Variants in RIC1 observed in about 807,000 individuals in gnomAD.
The protein encoded by RIC1 is guanine nucleotide exchange factor subunit RIC1.
In RIC1, 88 loss-of-function variants were observed where a neutral mutation model predicts 169.0. The ratio of observed to expected loss-of-function variants is 0.52; its 90% CI spans 0.44 to 0.62. The LOEUF is 0.62. Ranked by LOEUF, RIC1 falls within the 20% of genes least tolerant of loss-of-function variation. RIC1 has a pLI of 0.00. For missense variants in RIC1, 1,877 were observed against 1,725.5 expected, an observed-to-expected ratio of 1.09 and a Z score of -1.56; for synonymous variants, 790 against 601.5, an observed-to-expected ratio of 1.31 and a Z score of -4.59.
At chr9:5,752,329 C>CAT (rs983966089) in intron 12 of RIC1, among the ~76,000 whole-genome samples, 2 of 151,942 alleles carry the variant, frequency 1.3e-5, no homozygotes, top group African/African-American at 4.8e-5. Flanking sequence ...CTTTCATGTA[C>CAT]ATATATATAT....
chr9:5,646,832 AT>A (rs889812319), intron 1 of RIC1, among the ~76,000 whole-genome samples: 10 of 150,680 alleles, frequency 6.6e-5, no homozygotes, highest in South Asian at 2.1e-4. Context: ...TGTCTTACCT[AT>A]TTTTTTTTGT....
chr9:5,665,490 G>A (rs1286885159), intron 2 of RIC1, among the ~76,000 whole-genome samples: 1 of 152,156 alleles, frequency 6.6e-6, no homozygotes, highest in Non-Finnish European at 1.5e-5. Flanking sequence ...CTGGAGAGGT[G>A]TTGTGGTCAT....
At chr9:5,701,346 C>G (rs1343720476) in intron 3 of RIC1, among the ~76,000 whole-genome samples, 1 of 152,134 alleles carries the variant, frequency 6.6e-6, no homozygotes, top group African/African-American at 2.4e-5. Context: ...TGAGGTGGCT[C>G]ACGCCTGCAA....
intron 2 of RIC1, among the ~76,000 whole-genome samples, chr9:5,670,529 C>T (rs556113270): frequency 2.6e-5 from 4 of 152,272 alleles, no homozygotes; most frequent in African/African-American, 9.6e-5. Context: ...TTGTATATTA[C>T]TGTGCAGTAG....
rs376867395 is a variant in RIC1 at position 5,763,117 on chromosome 9, G to C, written c.2113-23G>C. On this transcript the variant is annotated intron_variant, in intron 18 of 25. Coordinates refer to ENST00000414202, the MANE Select transcript of RIC1 (RefSeq NM_020829.4). The surrounding 1 kb of genome is among the most constrained non-coding windows in gnomAD (Gnocchi z 5.2). The stretch of plus-strand genomic sequence containing the variant: ...TGCAGATTTAATAGGAAAACAACTT[G>C]ATTCTTGTCTCTCCTTCTCCAGCTG... 149 of 1,603,982 alleles carry C rather than the reference G, an allele frequency of 9.3e-5. No individual in the cohort carries two copies. The highest frequency in any genetic ancestry group is 1.1e-4 in the Non-Finnish European group (127 of 1,173,704).
intron 3 of RIC1, among the ~76,000 whole-genome samples, chr9:5,693,469 T>C (rs180729225): frequency 6.6e-6 from 1 of 152,304 alleles, no homozygotes; most frequent in Admixed American, 6.5e-5. Context: ...AGTGACTCTG[T>C]ACCTCAAAGA....
intron 3 of RIC1, among the ~76,000 whole-genome samples, chr9:5,709,593 C>T (rs1164288470): frequency 6.6e-6 from 1 of 152,136 alleles, no homozygotes; most frequent in Non-Finnish European, 1.5e-5. Flanking sequence ...TGCTCTATTC[C>T]TATTCTCCTG....
At chr9:5,664,573 C>G (rs1819640954) in intron 2 of RIC1, among the ~76,000 whole-genome samples, 1 of 152,142 alleles carries the variant, frequency 6.6e-6, no homozygotes, top group African/African-American at 2.4e-5. Flanking sequence ...CTTGCAGAAT[C>G]TGATGATTAT....
intron 2 of RIC1, among the ~76,000 whole-genome samples, chr9:5,663,424 T>A (rs1293780518): frequency 6.6e-6 from 1 of 152,182 alleles, no homozygotes; most frequent in Non-Finnish European, 1.5e-5. Context: ...GTCAATGGTG[T>A]GTTAAGTCTG....
chr9:5,730,217 A>G (rs1824279309), intron 6 of RIC1, among the ~76,000 whole-genome samples: 1 of 152,192 alleles, frequency 6.6e-6, no homozygotes, highest in Non-Finnish European at 1.5e-5. Flanking sequence ...CAGTAGGACT[A>G]GATTATTAGG....
chr9:5,753,928 T>G (rs1207166749), intron 14 of RIC1, among the ~76,000 whole-genome samples: 2 of 152,180 alleles, frequency 1.3e-5, no homozygotes, highest in African/African-American at 4.8e-5. Context: ...ACATTCCAGC[T>G]TGAGTTTATC....
intron 1 of RIC1, among the ~76,000 whole-genome samples, chr9:5,643,518 T>G (rs1404450484): frequency 6.6e-6 from 1 of 152,044 alleles, no homozygotes; most frequent in Non-Finnish European, 1.5e-5. Flanking sequence ...AAAAAAAAAG[T>G]TATGAAAAAT....
intron 1 of RIC1, among the ~76,000 whole-genome samples, chr9:5,655,034 C>T (rs1428630598): frequency 6.6e-6 from 1 of 152,058 alleles, no homozygotes; most frequent in Non-Finnish European, 1.5e-5. Flanking sequence ...TGAGTAAAGA[C>T]AGTTTTATTT....
At position 5,745,943 on chromosome 9, in the gene RIC1, G is replaced by A; in HGVS notation, c.1108G>A (p.Glu370Lys). The part of the protein sequence containing the change: ...LKINSMSWGA[E>K]GYHLWVISGF... ...TCTTCTCTCTAAGAGCTGGGGTGCAGAAGGCTATCACCTATGGGTAATCAG... is the reference window on the plus strand; with the variant it reads ...TCTTCTCTCTAAGAGCTGGGGTGCAAAAGGCTATCACCTATGGGTAATCAG... The change falls in exon 11 of 26, where the codon GAA (glutamate) becomes AAA (lysine). Residue 370 changes from glutamate (E) to lysine (K), a missense_variant. Glu to Lys is a moderately conservative substitution (Grantham distance 56, BLOSUM62 1). Around this residue, in one of 3 missense-constraint regions of RIC1, gnomAD observed 1,104 missense variants for 992.0 expected, o/e 1.11. Transcript: ENST00000414202. The A allele has an allele frequency of 6.2e-7, 1 of 1,613,142 alleles. No individual in the cohort carries two copies. The highest frequency in any genetic ancestry group is 8.5e-7 in the Non-Finnish European group (1 of 1,179,350).
At chr9:5,721,457 C>G (rs1017648540) in intron 6 of RIC1, among the ~76,000 whole-genome samples, 1 of 152,218 alleles carries the variant, frequency 6.6e-6, no homozygotes, top group Admixed American at 6.5e-5. Flanking sequence ...CGCGTGCACA[C>G]ACACACGCTG....
At chr9:5,756,168 AGTT>A (rs1826001005) in intron 15 of RIC1, 41 bp from the exon 16 acceptor site, 2 of 1,268,672 alleles carry the variant, frequency 1.6e-6, no homozygotes, top group African/African-American at 3.0e-5. Context: ...CATCCCTAGT[AGTT>A]ATCTTGTTTT....
chr9:5,660,984 C>G (rs1279362462), intron 2 of RIC1, among the ~76,000 whole-genome samples: 3 of 151,914 alleles, frequency 2.0e-5, no homozygotes, highest in African/African-American at 7.2e-5. Flanking sequence ...ACATTTAAAT[C>G]TTTAATCAAT....
intron 6 of RIC1, among the ~76,000 whole-genome samples, chr9:5,728,425 T>A (rs1342905479): frequency 6.6e-6 from 1 of 152,214 alleles, no homozygotes; most frequent in Non-Finnish European, 1.5e-5. Flanking sequence ...GTCCCGATTT[T>A]CCATGTACCA....
chr9:5,715,610 T>C (rs1823186944), intron 4 of RIC1, among the ~76,000 whole-genome samples: 1 of 152,184 alleles, frequency 6.6e-6, no homozygotes, highest in Non-Finnish European at 1.5e-5. Flanking sequence ...ACCACAAATA[T>C]AAGTCAGATA....
Sources: allele counts gnomAD v4.1 joint callset (sites outside exome capture counted in the v4.1 genomes callset), GRCh38; gene constraint gnomAD v4.1.1; regional missense constraint gnomAD v4.1.1; non-coding constraint Gnocchi (gnomAD v3.1); transcripts MANE v1.5; gene names NCBI Gene and HGNC (gene_info 2026-07-23, HGNC 2026-07-21).